The following PHF3 variants were observed in gnomAD, a reference collection of about 807,000 sequenced individuals.
PHF3 encodes the protein PHD finger protein 3.
A neutral mutation model predicts 178.4 loss-of-function variants in PHF3; 41 were observed. The ratio of observed to expected loss-of-function variants is 0.23; its 90% CI spans 0.18 to 0.30. The LOEUF (loss-of-function observed/expected upper bound fraction) is 0.30. Among genes scored for constraint, PHF3 ranks in the 10% least tolerant of loss-of-function variants. The pLI, the probability that PHF3 is intolerant of heterozygous loss-of-function variation, is 1.00. For synonymous variants in PHF3, 842 were observed against 800.5 expected, an observed-to-expected ratio of 1.05 and a Z score of -0.88; for missense variants, 2,346 against 2,398.1, an observed-to-expected ratio of 0.98 and a Z score of 0.45.
rs551081733 is a variant in PHF3, at chr6:63,642,850, C to G, written c.-25-3677C>G. On this transcript the variant is annotated intron_variant, in intron 1 of 15. Transcript: ENST00000262043. ...ACTAAATTGGCTCCTAATTTTCCCCCTTAATTAGATCTGATTATCTGTTAG... is the reference window on the plus strand; with the variant it reads ...ACTAAATTGGCTCCTAATTTTCCCCGTTAATTAGATCTGATTATCTGTTAG... Among the ~76,000 whole-genome samples the G allele has an allele frequency of 5.5e-4, 84 of 152,186 alleles. No individual in the cohort carries two copies. In the South Asian group the frequency reaches 0.015, roughly 26 times the overall value.
At chr6:63,660,647 G>T (rs766522208) in intron 2 of PHF3, among the ~76,000 whole-genome samples, 2 of 152,088 alleles carry the variant, frequency 1.3e-5, no homozygotes, top group African/African-American at 4.8e-5. Flanking sequence ...TACTGGGAGA[G>T]GTTGTCTGCC....
At chr6:63,649,389 T>C (rs1764928627) in intron 2 of PHF3, among the ~76,000 whole-genome samples, 1 of 152,220 alleles carries the variant, frequency 6.6e-6, no homozygotes, top group South Asian at 2.1e-4. Flanking sequence ...TTTTACTAGC[T>C]GTTTTCATTG....
intron 2 of PHF3, among the ~76,000 whole-genome samples, chr6:63,666,031 C>A (rs895680151): frequency 1.3e-5 from 2 of 152,040 alleles, no homozygotes; most frequent in Non-Finnish European, 2.9e-5. Context: ...AGTTTGATTT[C>A]TTTTTAAAAT....
rs1767513682 is a variant in PHF3, at chr6:63,702,421, T to G, written c.3100-87T>G. On this transcript the variant is annotated intron_variant, in intron 9 of 15. Transcript: ENST00000262043. ...AAAGTCATCTGTGGTGATTTGTTTATTTTTAGGTAAGCTCTTATTATTTAA... is the reference window on the plus strand; with the variant it reads ...AAAGTCATCTGTGGTGATTTGTTTAGTTTTAGGTAAGCTCTTATTATTTAA... 4.5e-6 allele frequency: 4 copies of G among 879,444 alleles called. No homozygotes were observed. The Admixed American group carries it at 9.0e-5, about 20-fold the overall frequency. 54.5% of individuals were successfully genotyped at this position (879,444 alleles called of 1,614,324 possible). A position where few individuals can be genotyped will look rare whatever the true frequency, so the allele number is the denominator to read the frequency against.
At chr6:63,658,176 A>G (rs933674660) in intron 2 of PHF3, among the ~76,000 whole-genome samples, 3 of 152,176 alleles carry the variant, frequency 2.0e-5, no homozygotes, top group Non-Finnish European at 2.9e-5. Flanking sequence ...ACCATCTATC[A>G]TTTCATTTTT....
chr6:63,654,315 C>T (rs1468921288), intron 2 of PHF3, among the ~76,000 whole-genome samples: 1 of 152,066 alleles, frequency 6.6e-6, no homozygotes, highest in Non-Finnish European at 1.5e-5. Context: ...AAATTTAATA[C>T]GTGTAGCCAT....
chr6:63,705,290 A>G (rs1291046018), intron 11 of PHF3, among the ~76,000 whole-genome samples: 1 of 152,034 alleles, frequency 6.6e-6, no homozygotes, highest in African/African-American at 2.4e-5. Context: ...TCTTCTTCTA[A>G]TTTTTCACTT....
At chr6:63,710,231 T>C (rs1479659591) in intron 14 of PHF3, among the ~76,000 whole-genome samples, 2 of 152,210 alleles carry the variant, frequency 1.3e-5, no homozygotes, top group Non-Finnish European at 2.9e-5. Context: ...GAAGTATTAC[T>C]CTTGGGCATT....
At chr6:63,671,677 A>G (rs2149568920) in intron 2 of PHF3, among the ~76,000 whole-genome samples, 1 of 152,352 alleles carries the variant, frequency 6.6e-6, no homozygotes, top group South Asian at 2.1e-4. Context: ...AAAGTAATTC[A>G]TGGTTACTAA....
In PHF3 at chr6:63,725,795, G is replaced by A. The variant is rs1025136827; in HGVS notation, c.*12087G>A. ...TTAGAGCACCATTTTTGCTAATGATGTGAAATTTAGCAAATGTAATTATTT... is the reference window on the plus strand; with the variant it reads ...TTAGAGCACCATTTTTGCTAATGATATGAAATTTAGCAAATGTAATTATTT... On this transcript the variant is annotated 3_prime_UTR_variant, in exon 16 of 16. Transcript: ENST00000262043. Among the ~76,000 whole-genome samples, 1 of 152,062 alleles carries A rather than the reference G, an allele frequency of 6.6e-6. No homozygotes were observed. Among genetic ancestry groups the A allele is most frequent in the South Asian group, 2.1e-4 (1 of 4,824 alleles).
rs537698315 is a variant in PHF3 at position 63,652,501 on chromosome 6, T to A, written c.244+5706T>A. 1.3e-4 allele frequency among the ~76,000 whole-genome samples: 20 copies of A among 152,316 alleles called. 2 individuals are homozygous for A. The South Asian group carries it at 3.7e-3, about 28-fold the overall frequency. On this transcript the variant is annotated intron_variant, in intron 2 of 15. Coordinates refer to ENST00000262043, the MANE Select transcript of PHF3 (RefSeq NM_001370348.2). ...CCATTCTGTAGGTTTCTCTTCACTC[T>A]GTTTATTGTTTCCTTTGCTGTCCAG...
intron 2 of PHF3, among the ~76,000 whole-genome samples, chr6:63,674,258 G>C (rs1234035613): frequency 6.7e-6 from 1 of 149,464 alleles, no homozygotes; most frequent in African/African-American, 2.5e-5. Context: ...AGAGACATTT[G>C]ATGATATCTA....
chr6:63,672,945 A>G (rs1410727955), intron 2 of PHF3, among the ~76,000 whole-genome samples: 1 of 152,058 alleles, frequency 6.6e-6, no homozygotes, highest in Non-Finnish European at 1.5e-5. Context: ...TTTTTTGTCT[A>G]TAAATTTGTT....
intron 6 of PHF3, among the ~76,000 whole-genome samples, chr6:63,697,675 A>G (rs1767291749): frequency 1.3e-5 from 2 of 152,206 alleles, no homozygotes; most frequent in Non-Finnish European, 2.9e-5. Context: ...GTCTAATCTA[A>G]GTTTATAATG....
At chr6:63,658,868 T>C (rs919701353) in intron 2 of PHF3, among the ~76,000 whole-genome samples, 9 of 152,028 alleles carry the variant, frequency 5.9e-5, no homozygotes, top group Non-Finnish European at 1.0e-4. Context: ...GCTGGCAGGC[T>C]GGAGACCTAG....
Position 63,711,587 on chromosome 6 carries a change from G to A in PHF3, c.3999G>A (p.Gly1333=), listed in dbSNP as rs1454878077. Residue 1333 remains glycine (G), a splice_region_variant and synonymous_variant, in exon 16 of 16, where the codon GGG becomes GGA. Coordinates refer to ENST00000262043, the MANE Select transcript of PHF3 (RefSeq NM_001370348.2). ...PHPLVPFDGP[G]LELHRPNLLL... Reference sequence around the variant, plus strand: ...ATTGATGTTTTTGGTTTTATACAGGGCTTGAACTGCATAGACCTAATCTAT... The same window carrying A: ...ATTGATGTTTTTGGTTTTATACAGGACTTGAACTGCATAGACCTAATCTAT... The A allele has an allele frequency of 9.6e-6, 15 of 1,567,352 alleles. No individual in the cohort carries two copies. The highest frequency in any genetic ancestry group is 2.1e-5 in the Admixed American group (1 of 46,956).
In PHF3 at chr6:63,723,788, C is replaced by CATTATTATTATTATT. The variant is rs57873412; in HGVS notation, c.*10114_*10128dup. Among the ~76,000 whole-genome samples, 2 of 138,182 alleles carry CATTATTATTATTATT rather than the reference C, an allele frequency of 1.4e-5. No homozygotes were observed. Among genetic ancestry groups the CATTATTATTATTATT allele is most frequent in the Non-Finnish European group, 3.1e-5 (2 of 64,666 alleles). The allele number at this position is 138,182 out of a possible 152,430, so 90.7% of individuals were successfully genotyped here. On this transcript the variant is annotated 3_prime_UTR_variant, in exon 16 of 16. Transcript: ENST00000262043. ...GTTATGGGTCATAAGTACACATTGGCATTATTATTATTATTATTATTATTA... is the reference window on the plus strand; with the variant it reads ...GTTATGGGTCATAAGTACACATTGGCATTATTATTATTATTATTATTATTATTATTATTATTATTA...
At chr6:63,703,455 A>T in intron 10 of PHF3, 81 bp from the exon 11 acceptor site, 1 of 1,412,390 alleles carries the variant, frequency 7.1e-7, no homozygotes, top group Non-Finnish European at 9.6e-7. Context: ...AGGAAAATAT[A>T]AATGGAAAAT....
At chr6:63,694,499 T>A (rs2149594383) in intron 5 of PHF3, 82 bp from the exon 6 acceptor site, 1 of 971,826 alleles carries the variant, frequency 1.0e-6, no homozygotes, top group Non-Finnish European at 1.5e-6. Flanking sequence ...TTACTAATAA[T>A]CAAGAGTTAT....
Sources: gnomAD v4.1 joint callset for allele counts (sites outside exome capture counted in the v4.1 genomes callset) on GRCh38, gnomAD v4.1.1 for gene constraint, MANE v1.5 for transcripts, NCBI Gene and HGNC (gene_info 2026-07-23, HGNC 2026-07-21) for gene names.